RAC1: variants seen among roughly 807,000 people sequenced by gnomAD.
RAC1 encodes ras-related C3 botulinum toxin substrate 1.
In RAC1, 2 loss-of-function variants were observed where a neutral mutation model predicts 25.2. That is an observed-to-expected ratio of 0.08 (90% CI 0.03 to 0.25). The LOEUF (loss-of-function observed/expected upper bound fraction) is 0.25. Ranked by LOEUF, RAC1 falls within the 10% of genes least tolerant of loss-of-function variation. The pLI, the probability that RAC1 is intolerant of heterozygous loss-of-function variation, is 1.00. For synonymous variants in RAC1, 88 were observed against 94.0 expected (o/e 0.94, Z 0.37); for missense variants, 50 against 235.7 (o/e 0.21, Z 5.16).
At chr7:6,387,412 C>G (rs1782954168) in intron 2 of RAC1, 129 bp downstream of exon 2, 3 of 686,404 alleles carry the variant, frequency 4.4e-6, no homozygotes, top group Non-Finnish European at 7.4e-6. Flanking sequence ...TAAACATTCA[C>G]TGAAACCTAA....
Position 6,390,096 on chromosome 7 carries a change from C to CTTTTTTTTTTTTTTT in RAC1, c.108-1821_108-1807dup, listed in dbSNP as rs34547258. Reference sequence around the variant, plus strand: ...CCTCCCTTGCTCCCTCCCTCCCTCCCTTTTTTTTTTTTTTTTTTTTTGAGA... The same window carrying CTTTTTTTTTTTTTTT: ...CCTCCCTTGCTCCCTCCCTCCCTCCCTTTTTTTTTTTTTTTTTTTTTTTTTTTTTTTTTTTTGAGA... On this transcript the variant is annotated intron_variant, in intron 2 of 5. Transcript: ENST00000348035. Among the ~76,000 whole-genome samples the CTTTTTTTTTTTTTTT allele has an allele frequency of 2.1e-4, 16 of 74,916 alleles. 2 individuals carry two copies. In the East Asian group the frequency reaches 3.1e-3, roughly 14 times the overall value. 49.1% of individuals were successfully genotyped at this position (74,916 alleles called of 152,430 possible).
intron 1 of RAC1, among the ~76,000 whole-genome samples, chr7:6,383,784 C>CTTTTTTTTTTTTTTTTTTTTTTTTTTT (rs34847745): frequency 2.5e-5 from 1 of 39,770 alleles, no homozygotes; most frequent in Non-Finnish European, 4.7e-5. Context: ...CAACCTTTAT[C>CTTTTTTTTTTTTTTTTTTTTTTTTTTT]TTTTTTTTTT....
intron 4 of RAC1, among the ~76,000 whole-genome samples, chr7:6,401,423 G>A (rs1275054742): frequency 1.3e-5 from 2 of 152,164 alleles, no homozygotes; most frequent in Non-Finnish European, 2.9e-5. Context: ...CCCTTCAGTA[G>A]GGGCATTTTC....
intron 1 of RAC1, among the ~76,000 whole-genome samples, chr7:6,375,006 T>C (rs993331471): frequency 1.1e-4 from 16 of 151,682 alleles, no homozygotes; most frequent in African/African-American, 3.9e-4. Flanking sequence ...GCTCGCCGGC[T>C]AGAGGGAAAA....
chr7:6,391,779 C>T, intron 2 of RAC1, 145 bp from the exon 3 acceptor site: 4 of 1,327,690 alleles, frequency 3.0e-6, no homozygotes, highest in Middle Eastern at 2.7e-4. Context: ...TGCCGCCTTC[C>T]TCCTTGTGCC....
chr7:6,400,388 G>A (rs1025034889), intron 4 of RAC1, among the ~76,000 whole-genome samples, 200 bp downstream of exon 4: 1 of 151,616 alleles, frequency 6.6e-6, no homozygotes, highest in African/African-American at 2.4e-5. Flanking sequence ...GAGTTGTAGT[G>A]GTGACATCAG....
chr7:6,390,472 C>T (rs1783060786), intron 2 of RAC1, among the ~76,000 whole-genome samples: 1 of 151,870 alleles, frequency 6.6e-6, no homozygotes, highest in East Asian at 2.0e-4. Flanking sequence ...TGGTGGCGTG[C>T]ACCTGTAATC....
At chr7:6,382,074 A>C (rs1034839369) in intron 1 of RAC1, among the ~76,000 whole-genome samples, 16 of 151,954 alleles carry the variant, frequency 1.1e-4, no homozygotes, top group African/African-American at 3.1e-4. Context: ...GCTCACTGCA[A>C]CCTCTACCCC....
intron 3 of RAC1, among the ~76,000 whole-genome samples, chr7:6,395,627 T>C (rs779138659): frequency 3.9e-5 from 6 of 152,210 alleles, no homozygotes; most frequent in Non-Finnish European, 1.5e-5. Context: ...TTTGGTCCTA[T>C]TTCAGCACAG....
chr7:6,397,063 AC>A, intron 3 of RAC1, among the ~76,000 whole-genome samples: 1 of 141,636 alleles, frequency 7.1e-6, no homozygotes, highest in East Asian at 2.1e-4. Context: ...AAGAAAAGAA[AC>A]CCCGTCTCTA....
At chr7:6,383,777 C>A (rs1782838091) in intron 1 of RAC1, among the ~76,000 whole-genome samples, 1 of 118,262 alleles carries the variant, frequency 8.5e-6, no homozygotes, top group South Asian at 3.3e-4. Context: ...TTTTACACAA[C>A]CTTTATCTTT....
At chr7:6,379,949 G>T (rs1304262357) in intron 1 of RAC1, among the ~76,000 whole-genome samples, 1 of 152,074 alleles carries the variant, frequency 6.6e-6, no homozygotes, top group Non-Finnish European at 1.5e-5. Flanking sequence ...GGTGTTGGTT[G>T]ATTAAAGGAA....
chr7:6,389,984 C>T (rs998675270), intron 2 of RAC1, among the ~76,000 whole-genome samples: 2 of 132,524 alleles, frequency 1.5e-5, no homozygotes, highest in Non-Finnish European at 3.3e-5. Flanking sequence ...TCTTCCCTCC[C>T]TCCTCCTCTC....
rs1208911158 is a variant in RAC1, at chr7:6,402,771, G to A, written c.*325G>A. ...ATTAAGAGTTGCCAAAATACCTTCT[G>A]AACTACACTGCATTGTTGTGCCGAG... On this transcript the variant is annotated 3_prime_UTR_variant, in exon 6 of 6. Transcript: ENST00000348035. 8.3e-6 allele frequency: 2 copies of A among 242,326 alleles called. No homozygotes were observed. The highest frequency in any genetic ancestry group is 4.5e-5 in the African/African-American group (2 of 44,644). The allele number at this position is 242,326 out of a possible 1,614,324, so 15.0% of individuals were successfully genotyped here.
At chr7:6,375,509 G>A (rs1267136069) in intron 1 of RAC1, among the ~76,000 whole-genome samples, 2 of 152,114 alleles carry the variant, frequency 1.3e-5, no homozygotes, top group African/African-American at 4.8e-5. Flanking sequence ...GTGACACCGC[G>A]CCCGGCCTCT....
At chr7:6,381,966 C>T (rs1284040338) in intron 1 of RAC1, among the ~76,000 whole-genome samples, 1 of 151,844 alleles carries the variant, frequency 6.6e-6, no homozygotes, top group Non-Finnish European at 1.5e-5. Flanking sequence ...TTACTAAATT[C>T]TACTGCCTTG....
intron 3 of RAC1, among the ~76,000 whole-genome samples, chr7:6,396,843 A>C (rs559606128): frequency 2.6e-5 from 4 of 152,254 alleles, no homozygotes; most frequent in African/African-American, 9.6e-5. Context: ...ATCCTGGCTA[A>C]CACGTTGAAA....
intron 3 of RAC1, among the ~76,000 whole-genome samples, chr7:6,396,065 C>T (rs1157764664): frequency 6.6e-6 from 1 of 152,052 alleles, no homozygotes; most frequent in Non-Finnish European, 1.5e-5. Flanking sequence ...GTAACAAAGG[C>T]GTTGAAGGCA....
At chr7:6,390,386 G>C (rs566194876) in intron 2 of RAC1, among the ~76,000 whole-genome samples, 7 of 151,990 alleles carry the variant, frequency 4.6e-5, no homozygotes, top group African/African-American at 1.7e-4. Flanking sequence ...CGCATTATGA[G>C]GTCAGGAGAT....
Sources: gnomAD v4.1 joint callset for allele counts (sites outside exome capture counted in the v4.1 genomes callset) on GRCh38, gnomAD v4.1.1 for gene constraint, MANE v1.5 for transcripts, NCBI Gene and HGNC (gene_info 2026-07-23, HGNC 2026-07-21) for gene names.